Variants in CLOCK observed in about 807,000 individuals in gnomAD.
The protein encoded by CLOCK is clock circadian regulator.
A neutral mutation model predicts 118.4 loss-of-function variants in CLOCK; 43 were observed. The ratio of observed to expected loss-of-function variants is 0.36; its 90% CI spans 0.28 to 0.47. The LOEUF (loss-of-function observed/expected upper bound fraction) is 0.47, where lower values mean the gene tolerates loss of function less well. CLOCK is among the 20% of genes least tolerant of loss of function. CLOCK has a pLI of 1.00. For missense variants in CLOCK, 846 were observed against 999.9 expected (o/e 0.85, Z 2.08); for synonymous variants, 326 against 339.2 (o/e 0.96, Z 0.43).
intron 2 of CLOCK, among the ~76,000 whole-genome samples, chr4:55,494,806 C>A (rs1485332658): frequency 6.6e-6 from 1 of 152,134 alleles, no homozygotes; most frequent in African/African-American, 2.4e-5. Context: ...CCTCTACAAG[C>A]TGGAAAAAAC....
intron 4 of CLOCK, among the ~76,000 whole-genome samples, chr4:55,482,041 T>C (rs1444742135): frequency 6.6e-6 from 1 of 152,172 alleles, no homozygotes; most frequent in Non-Finnish European, 1.5e-5. Context: ...TGCTACCAAT[T>C]AAATTATGAT....
At chr4:55,534,442 T>C (rs181892219) in intron 1 of CLOCK, among the ~76,000 whole-genome samples, 8 of 152,332 alleles carry the variant, frequency 5.3e-5, no homozygotes, top group African/African-American at 1.9e-4. Context: ...ACACAGTCTA[T>C]GTGCTGTTGT....
chr4:55,520,271 G>A (rs757867895), intron 1 of CLOCK, among the ~76,000 whole-genome samples: 7 of 152,102 alleles, frequency 4.6e-5, no homozygotes, highest in Non-Finnish European at 8.8e-5. Flanking sequence ...CCCCCACACC[G>A]ATCAAGTGAA....
chr4:55,534,937 T>C (rs978035716), intron 1 of CLOCK, among the ~76,000 whole-genome samples: 1 of 151,212 alleles, frequency 6.6e-6, no homozygotes. Flanking sequence ...GAATTTTTTT[T>C]TTTTTTTTTT....
At chr4:55,460,733 T>G (rs1725271379) in intron 9 of CLOCK, among the ~76,000 whole-genome samples, 1 of 152,342 alleles carries the variant, frequency 6.6e-6, no homozygotes, top group South Asian at 2.1e-4. Flanking sequence ...TAGTAACACC[T>G]TTCTTTGCTC....
chr4:55,479,557 G>A, intron 5 of CLOCK, 83 bp downstream of exon 5: 1 of 1,161,146 alleles, frequency 8.6e-7, no homozygotes, highest in Admixed American at 1.9e-5. Context: ...ATAGCTTTTG[G>A]AAATCATTTA....
chr4:55,529,599 A>C (rs1412826167), intron 1 of CLOCK, among the ~76,000 whole-genome samples: 1 of 152,270 alleles, frequency 6.6e-6, no homozygotes, highest in East Asian at 1.9e-4. Context: ...AAAAATAGGT[A>C]TATTTAACAA....
At chr4:55,441,780 C>A (rs1723389519) in intron 21 of CLOCK, among the ~76,000 whole-genome samples, 1 of 152,116 alleles carries the variant, frequency 6.6e-6, no homozygotes, top group Non-Finnish European at 1.5e-5. Context: ...GTGCACTACT[C>A]AGGTGATCAG....
chr4:55,544,032 AGTTTGAGG>A (rs1156831398), intron 1 of CLOCK, among the ~76,000 whole-genome samples: 3 of 152,082 alleles, frequency 2.0e-5, no homozygotes, highest in Non-Finnish European at 4.4e-5. Context: ...CACCAGGGGG[AGTTTGAGG>A]GTCCCCTCCC....
chr4:55,504,469 T>C (rs570830646), intron 2 of CLOCK, among the ~76,000 whole-genome samples: 2 of 152,194 alleles, frequency 1.3e-5, no homozygotes, highest in African/African-American at 4.8e-5. Context: ...CAAAATTGTA[T>C]TAATACCGTT....
chr4:55,440,604 TA>T (rs762766416), intron 21 of CLOCK, among the ~76,000 whole-genome samples: 2 of 152,180 alleles, frequency 1.3e-5, no homozygotes, highest in Non-Finnish European at 2.9e-5. Flanking sequence ...AAAAAAGAAT[TA>T]AAATTGTCCA....
chr4:55,500,919 T>C (rs534800640), intron 2 of CLOCK, among the ~76,000 whole-genome samples: 2 of 151,764 alleles, frequency 1.3e-5, no homozygotes, highest in African/African-American at 2.4e-5. Context: ...TGGCACAATC[T>C]CAGCTCACTG....
In CLOCK at chr4:55,430,653, G is replaced by C. The variant is rs1722437322; in HGVS notation, c.*4762C>G. 6.6e-6 allele frequency: 1 copy of C among 152,122 alleles called. No individual in the cohort carries two copies. Among genetic ancestry groups the C allele is most frequent in the Non-Finnish European group, 1.5e-5 (1 of 68,020 alleles). The allele number at this position is 152,122 out of a possible 1,614,324, so 9.4% of individuals were successfully genotyped here. A position where few individuals can be genotyped will look rare whatever the true frequency, so the allele number is the denominator to read the frequency against. ...TTACAAGAGCAATTCAAATGGAAAT[G>C]CTGAAATGACATGCCAACATTTCAG... On this transcript the variant is annotated 3_prime_UTR_variant, in exon 23 of 23. Transcript: ENST00000513440.
intron 1 of CLOCK, among the ~76,000 whole-genome samples, chr4:55,522,835 G>A (rs1044106849): frequency 6.6e-6 from 1 of 152,016 alleles, no homozygotes; most frequent in Non-Finnish European, 1.5e-5. Flanking sequence ...CATATAAAAT[G>A]ACTAACTCTA....
chr4:55,544,165 G>GACAC (rs35842826), intron 1 of CLOCK, among the ~76,000 whole-genome samples: 1,936 of 148,194 alleles, frequency 0.013, 40 homozygotes, highest in African/African-American at 0.04. Context: ...GAAACAACCA[G>GACAC]ACACACACAC....
chr4:55,438,307 G>A lies in CLOCK; in HGVS notation c.2336C>T (p.Thr779Ile). The A allele has an allele frequency of 1.2e-6, 2 of 1,614,104 alleles. No individual in the cohort carries two copies. Among genetic ancestry groups the A allele is most frequent in the Non-Finnish European group, 1.7e-6 (2 of 1,180,000 alleles). ...CTGTAAAAATTGTTGCGGTGGCTGG[G>A]TCAGCTGAGCCTGAGATGGTTGCTG... ...SVQQPSQAQL[T>I]QPPQQFLQTS... The change falls in exon 22 of 23, where the codon ACC (threonine) becomes ATC (isoleucine). Residue 779 changes from threonine (T) to isoleucine (I), a missense_variant. By Grantham distance (89) the Thr-to-Ile change is moderately conservative. This residue lies in a region of CLOCK where 520 missense variants were observed against 558.0 expected (regional missense o/e 0.93). Transcript: ENST00000513440.
intron 11 of CLOCK, among the ~76,000 whole-genome samples, chr4:55,458,145 C>T (rs943990260): frequency 1.3e-5 from 2 of 152,148 alleles, no homozygotes; most frequent in African/African-American, 4.8e-5. Flanking sequence ...ACTGCAGCCT[C>T]GACCTCCTGG....
chr4:55,523,070 C>T (rs1036182792), intron 1 of CLOCK, among the ~76,000 whole-genome samples: 2 of 151,740 alleles, frequency 1.3e-5, no homozygotes, highest in African/African-American at 2.4e-5. Flanking sequence ...TGGAGGCGGG[C>T]GGATCGCGAG....
chr4:55,510,287 G>A (rs1303657652), intron 1 of CLOCK, among the ~76,000 whole-genome samples: 1 of 152,152 alleles, frequency 6.6e-6, no homozygotes, highest in Admixed American at 6.5e-5. Context: ...GGTGTGAAGG[G>A]AAAGCATAAC....
Sources: gnomAD v4.1 joint callset for allele counts (sites outside exome capture counted in the v4.1 genomes callset) on GRCh38, gnomAD v4.1.1 for gene constraint, gnomAD v4.1.1 regional missense constraint, MANE v1.5 for transcripts, NCBI Gene and HGNC (gene_info 2026-07-23, HGNC 2026-07-21) for gene names.